CNTNAP3B: variants seen among roughly 807,000 people sequenced by gnomAD.
CNTNAP3B encodes contactin associated protein family member 3B, also known as contactin-associated protein-like 3B.
In CNTNAP3B, 25 loss-of-function variants were observed where a neutral mutation model predicts 108.9. The observed-to-expected ratio is 0.23, with a 90% CI of 0.17 to 0.32. The LOEUF is 0.32. Among genes scored for constraint, CNTNAP3B ranks in the 10% least tolerant of loss-of-function variants. The pLI is 1.00. For synonymous variants in CNTNAP3B, 103 were observed against 473.4 expected (o/e 0.22, Z 10.16); for missense variants, 252 against 1,210.4 (o/e 0.21, Z 11.75).
intron 1 of CNTNAP3B, among the ~76,000 whole-genome samples, chr9:42,120,998 AG>A (rs1172302893): frequency 2.2e-5 from 3 of 138,934 alleles, no homozygotes; most frequent in African/African-American, 8.6e-5. Flanking sequence ...AAAATTAAAA[AG>A]TTCAGTGTTC....
chr9:42,004,548 G>GT (rs1366013032), intron 4 of CNTNAP3B, among the ~76,000 whole-genome samples: 2 of 41,826 alleles, frequency 4.8e-5, no homozygotes, highest in Admixed American at 6.2e-4. Context: ...TATATATTAA[G>GT]TGTATATTTA....
At chr9:41,947,686 G>A (rs1824565592) in intron 13 of CNTNAP3B, among the ~76,000 whole-genome samples, 1 of 151,880 alleles carries the variant, frequency 6.6e-6, no homozygotes, top group Admixed American at 6.6e-5. Flanking sequence ...AAAGAGAAGA[G>A]CAGATTTCAA....
intron 16 of CNTNAP3B, among the ~76,000 whole-genome samples, chr9:41,923,623 A>T (rs1464622632): frequency 7.5e-4 from 114 of 152,196 alleles, no homozygotes; most frequent in Non-Finnish European, 1.2e-3. Context: ...TTAGCTGGGC[A>T]TGGTGGTGCG....
rs201007186 is a variant in CNTNAP3B, at chr9:42,119,894, C to T, written c.85+9116G>A. The stretch of plus-strand genomic sequence containing the variant: ...ACCCTAGAAGAAAACCTAGGCAATA[C>T]CATTCAGGACACAGTCATGGGCAAG... On this transcript the variant is annotated intron_variant, in intron 1 of 23. Transcript: ENST00000377561. Among the ~76,000 whole-genome samples the T allele has an allele frequency of 1.0e-3, 144 of 140,146 alleles. 11 individuals carry two copies. In the East Asian group the frequency reaches 0.024, roughly 23 times the overall value. 91.9% of individuals were successfully genotyped at this position (140,146 alleles called of 152,430 possible).
intron 15 of CNTNAP3B, among the ~76,000 whole-genome samples, chr9:41,924,796 A>C (rs957209696): frequency 2.3e-4 from 35 of 152,348 alleles, no homozygotes; most frequent in African/African-American, 8.4e-4. Context: ...TGTATTACTC[A>C]GGCCTCTTTA....
chr9:42,051,835 G>A (rs1826969204), intron 3 of CNTNAP3B, among the ~76,000 whole-genome samples: 1 of 152,100 alleles, frequency 6.6e-6, no homozygotes. Context: ...ACAATAAATA[G>A]AAGCCGTTCC....
intron 12 of CNTNAP3B, among the ~76,000 whole-genome samples, chr9:41,959,808 A>G (rs1825006390): frequency 6.6e-6 from 1 of 152,302 alleles, no homozygotes; most frequent in Non-Finnish European, 1.5e-5. Flanking sequence ...CCATTTGGTT[A>G]TTGTCCAAAT....
chr9:42,077,389 A>C (rs1159845979), intron 2 of CNTNAP3B, among the ~76,000 whole-genome samples: 2 of 136,292 alleles, frequency 1.5e-5, no homozygotes, highest in East Asian at 4.5e-4. Context: ...CTTTGCCAAC[A>C]TAAGAGACTA....
intron 13 of CNTNAP3B, among the ~76,000 whole-genome samples, chr9:41,947,756 C>G (rs1264907831): frequency 6.6e-6 from 1 of 152,158 alleles, no homozygotes; most frequent in Non-Finnish European, 1.5e-5. Flanking sequence ...TTCTAAAAAA[C>G]AGTAAGATTG....
Position 41,971,168 on chromosome 9 carries a change from CTT to C in CNTNAP3B, c.1478-925_1478-924del, listed in dbSNP as rs543034931. Among the ~76,000 whole-genome samples, 572 of 107,958 alleles carry C rather than the reference CTT, an allele frequency of 5.3e-3. 10 individuals carry two copies. The highest frequency in any genetic ancestry group is 8.8e-3 in the Non-Finnish European group (452 of 51,262). The allele number at this position is 107,958 out of a possible 152,430, so 70.8% of individuals were successfully genotyped here. A position where few individuals can be genotyped will look rare whatever the true frequency, so the allele number is the denominator to read the frequency against. ...ATAAGAAGCAGTGGTGAGTGCCTGACTTTGACGTAAGCAGTATTACTCCACAC... is the reference window on the plus strand; with the variant it reads ...ATAAGAAGCAGTGGTGAGTGCCTGACTGACGTAAGCAGTATTACTCCACAC... On this transcript the variant is annotated intron_variant, in intron 9 of 23. Coordinates refer to ENST00000377561, the MANE Select transcript of CNTNAP3B (RefSeq NM_001201380.3).
At position 42,117,047 on chromosome 9, in the gene CNTNAP3B, C is replaced by G. The variant is rs149505608; in HGVS notation, c.85+11963G>C. On this transcript the variant is annotated intron_variant, in intron 1 of 23. Coordinates refer to ENST00000377561, the MANE Select transcript of CNTNAP3B (RefSeq NM_001201380.3). ...AAGCAAGTCCTTAGAGGTGTACAAA[C>G]AGACTTAGACTTCCACACAATAATA... Among the ~76,000 whole-genome samples the G allele has an allele frequency of 3.6e-5, 5 of 138,854 alleles. No individual in the cohort carries two copies. In the East Asian group the frequency reaches 1.1e-3, roughly 30 times the overall value. 91.1% of individuals were successfully genotyped at this position (138,854 alleles called of 152,430 possible).
At chr9:41,979,972 C>A (rs1313344340) in intron 9 of CNTNAP3B, 1 of 64,074 alleles carries the variant, frequency 1.6e-5, no homozygotes, top group African/African-American at 7.4e-5. Context: ...TTTTTTTTGG[C>A]CATTGTCCAA....
chr9:41,954,267 A>G (rs1159144489), intron 12 of CNTNAP3B, among the ~76,000 whole-genome samples: 2 of 152,398 alleles, frequency 1.3e-5, no homozygotes, highest in East Asian at 3.9e-4. Context: ...AAACAAAACA[A>G]TGTGATACAT....
intron 13 of CNTNAP3B, among the ~76,000 whole-genome samples, chr9:41,942,906 G>A (rs1431047907): frequency 2.0e-5 from 3 of 152,220 alleles, no homozygotes; most frequent in Admixed American, 6.5e-5. Context: ...TACATTAAAG[G>A]CTTCCTTACC....
chr9:41,953,585 T>A (rs1824765590), intron 12 of CNTNAP3B, among the ~76,000 whole-genome samples, 199 bp from the exon 13 acceptor site: 1 of 150,896 alleles, frequency 6.6e-6, no homozygotes, highest in South Asian at 2.1e-4. Context: ...TTGGAAGAAC[T>A]GATGACCAAA....
Position 42,041,683 on chromosome 9 carries a change from T to C in CNTNAP3B, c.391-28158A>G, listed in dbSNP as rs1392049169. 9.6e-3 allele frequency among the ~76,000 whole-genome samples: 1,300 copies of C among 135,820 alleles called. 2 individuals carry two copies. Among genetic ancestry groups the C allele is most frequent in the Non-Finnish European group, 0.014 (877 of 60,952 alleles). The allele number at this position is 135,820 out of a possible 152,430, so 89.1% of individuals were successfully genotyped here. ...ACCATTGTGGAAGACAGTGTGGCAATTCCTCAAGGATCTAGAACCAGAAAT... is the reference window on the plus strand; with the variant it reads ...ACCATTGTGGAAGACAGTGTGGCAACTCCTCAAGGATCTAGAACCAGAAAT... On this transcript the variant is annotated intron_variant, in intron 3 of 23. Coordinates refer to ENST00000377561, the MANE Select transcript of CNTNAP3B (RefSeq NM_001201380.3).
intron 2 of CNTNAP3B, among the ~76,000 whole-genome samples, chr9:42,087,240 A>T (rs1827721953): frequency 7.2e-6 from 1 of 138,724 alleles, no homozygotes; most frequent in South Asian, 2.4e-4. Context: ...CCATATAGGA[A>T]CATGTTATCC....
chr9:41,916,282 A>C (rs1823515445), intron 18 of CNTNAP3B, among the ~76,000 whole-genome samples: 1 of 148,216 alleles, frequency 6.7e-6, no homozygotes, highest in African/African-American at 2.5e-5. Context: ...AACAATGAAA[A>C]TATATACATT....
At chr9:42,109,245 G>A (rs1485850610) in intron 1 of CNTNAP3B, among the ~76,000 whole-genome samples, 1 of 141,674 alleles carries the variant, frequency 7.1e-6, no homozygotes, top group African/African-American at 2.8e-5. Flanking sequence ...GAAATAAACA[G>A]AAGAGCAAAA....
Sources: allele counts gnomAD v4.1 joint callset (sites outside exome capture counted in the v4.1 genomes callset), GRCh38; gene constraint gnomAD v4.1.1; transcripts MANE v1.5; gene names NCBI Gene and HGNC (gene_info 2026-07-23, HGNC 2026-07-21).